SLC35F1: variants seen among roughly 807,000 people sequenced by gnomAD.
SLC35F1 encodes the protein solute carrier family 35 member F1.
In SLC35F1, 14 loss-of-function variants were observed where a neutral mutation model predicts 48.7. That is an observed-to-expected ratio of 0.29 (90% CI 0.19 to 0.45). SLC35F1 has a LOEUF of 0.45. Among genes scored for constraint, SLC35F1 ranks in the 20% least tolerant of loss-of-function variants. The probability of loss-of-function intolerance (pLI) is 1.00; values close to 1 mark genes in which losing one functional copy is unlikely to be tolerated. For missense variants in SLC35F1, 404 were observed against 500.0 expected, an observed-to-expected ratio of 0.81 and a Z score of 1.83; for synonymous variants, 190 against 202.2, an observed-to-expected ratio of 0.94 and a Z score of 0.51.
chr6:118,150,961 C>T (rs1774048156), intron 1 of SLC35F1, among the ~76,000 whole-genome samples: 1 of 152,114 alleles, frequency 6.6e-6, no homozygotes, highest in Admixed American at 6.6e-5. Flanking sequence ...TTTCATGACA[C>T]CAATACGGCT....
At chr6:118,268,152 T>C (rs975437796) in intron 4 of SLC35F1, among the ~76,000 whole-genome samples, 2 of 152,226 alleles carry the variant, frequency 1.3e-5, no homozygotes, top group Admixed American at 6.5e-5. Flanking sequence ...AACTCCTTTG[T>C]AATTGACATA....
chr6:118,124,079 G>A (rs890420935), intron 1 of SLC35F1, among the ~76,000 whole-genome samples: 7 of 152,094 alleles, frequency 4.6e-5, no homozygotes, highest in Admixed American at 3.3e-4. Context: ...TAGTCTCAGG[G>A]TATTTCCTGT....
intron 2 of SLC35F1, among the ~76,000 whole-genome samples, chr6:118,194,579 C>G (rs189792872): frequency 5.3e-4 from 80 of 152,208 alleles, no homozygotes; most frequent in African/African-American, 1.9e-3. Context: ...TCCTAAGGTA[C>G]CCCTCTTTAT....
intron 1 of SLC35F1, among the ~76,000 whole-genome samples, chr6:118,154,025 T>C (rs1315799006): frequency 6.6e-6 from 1 of 152,130 alleles, no homozygotes; most frequent in East Asian, 1.9e-4. Context: ...GGGAATATGG[T>C]CCCTCCTAGT....
intron 1 of SLC35F1, among the ~76,000 whole-genome samples, chr6:118,112,082 C>CTTTCTTTCCT: frequency 7.6e-6 from 1 of 131,808 alleles, no homozygotes; most frequent in African/African-American, 2.9e-5. Flanking sequence ...TTCTTTATTT[C>CTTTCTTTCCT]TTTCTTTTCT....
At chr6:117,921,591 T>C (rs899402949) in intron 1 of SLC35F1, among the ~76,000 whole-genome samples, 3 of 152,240 alleles carry the variant, frequency 2.0e-5, no homozygotes, top group Non-Finnish European at 4.4e-5. Context: ...TCACCTTCCT[T>C]AGTGAAAGCG....
At chr6:118,183,396 C>T (rs1268546575) in intron 2 of SLC35F1, among the ~76,000 whole-genome samples, 3 of 151,686 alleles carry the variant, frequency 2.0e-5, no homozygotes, top group Non-Finnish European at 4.4e-5. Context: ...GAAATAATGA[C>T]GAGTTAATGG....
At chr6:118,058,202 T>G (rs1185124608) in intron 1 of SLC35F1, among the ~76,000 whole-genome samples, 1 of 152,074 alleles carries the variant, frequency 6.6e-6, no homozygotes, top group Non-Finnish European at 1.5e-5. Context: ...GGGGGTGCAT[T>G]TTCAACTTTT....
At chr6:118,058,249 G>GT (rs1772489926) in intron 1 of SLC35F1, among the ~76,000 whole-genome samples, 1 of 152,056 alleles carries the variant, frequency 6.6e-6, no homozygotes, top group African/African-American at 2.4e-5. Flanking sequence ...AAAATTTTGG[G>GT]TTTTTAGATT....
chr6:118,103,920 T>C (rs1463754436), intron 1 of SLC35F1, among the ~76,000 whole-genome samples: 1 of 152,208 alleles, frequency 6.6e-6, no homozygotes, highest in African/African-American at 2.4e-5. Flanking sequence ...GAGTTTGCAG[T>C]AGGTTACTGT....
intron 6 of SLC35F1, among the ~76,000 whole-genome samples, chr6:118,281,159 T>TTA (rs1483939596): frequency 4.2e-5 from 6 of 144,528 alleles, no homozygotes; most frequent in South Asian, 2.2e-4. Context: ...GACACATACT[T>TTA]TATATATATA....
At chr6:117,977,387 A>G (rs958144073) in intron 1 of SLC35F1, among the ~76,000 whole-genome samples, 1 of 152,012 alleles carries the variant, frequency 6.6e-6, no homozygotes, top group Admixed American at 6.6e-5. Flanking sequence ...TTTATACACT[A>G]GGAAGGTGTT....
At chr6:118,222,307 C>T (rs1459773635) in intron 2 of SLC35F1, among the ~76,000 whole-genome samples, 1 of 152,098 alleles carries the variant, frequency 6.6e-6, no homozygotes, top group Non-Finnish European at 1.5e-5. Flanking sequence ...ATTTTGCTGA[C>T]TGAATCTTTC....
At chr6:118,256,043 T>G (rs1775638894) in intron 3 of SLC35F1, among the ~76,000 whole-genome samples, 1 of 152,196 alleles carries the variant, frequency 6.6e-6, no homozygotes, top group African/African-American at 2.4e-5. Flanking sequence ...TGAAATATAC[T>G]ACTCCCTGGA....
At chr6:118,091,019 A>G (rs1056149458) in intron 1 of SLC35F1, among the ~76,000 whole-genome samples, 13 of 152,302 alleles carry the variant, frequency 8.5e-5, no homozygotes, top group Non-Finnish European at 1.6e-4. Context: ...TGGGCATGAG[A>G]AAAAGAGAGA....
chr6:117,974,274 G>T (rs1009152290), intron 1 of SLC35F1, among the ~76,000 whole-genome samples: 1 of 152,128 alleles, frequency 6.6e-6, no homozygotes, highest in Non-Finnish European at 1.5e-5. Context: ...GGCATATATG[G>T]TTTTAGTCTG....
intron 1 of SLC35F1, among the ~76,000 whole-genome samples, chr6:117,993,507 G>A (rs920971202): frequency 4.6e-5 from 7 of 151,982 alleles, no homozygotes; most frequent in Non-Finnish European, 1.0e-4. Flanking sequence ...CAGGTACTAT[G>A]GATATAGCAG....
chr6:117,925,244 G>A (rs910114446), intron 1 of SLC35F1, among the ~76,000 whole-genome samples: 1 of 152,032 alleles, frequency 6.6e-6, no homozygotes, highest in Non-Finnish European at 1.5e-5. Context: ...GTCTTGGGGT[G>A]GGCAAAGGTC....
chr6:118,294,127 G>C (rs1776155923), intron 7 of SLC35F1, among the ~76,000 whole-genome samples: 1 of 152,292 alleles, frequency 6.6e-6, no homozygotes, highest in South Asian at 2.1e-4. Context: ...AGTAATTCCT[G>C]TCTTATTTCA....
Sources: allele counts gnomAD v4.1 joint callset (sites outside exome capture counted in the v4.1 genomes callset), GRCh38; gene constraint gnomAD v4.1.1; transcripts MANE v1.5; gene names NCBI Gene and HGNC (gene_info 2026-07-23, HGNC 2026-07-21).